ITGAE: variants seen among roughly 807,000 people sequenced by gnomAD.
ITGAE encodes integrin alpha-E.
In ITGAE, 99 loss-of-function variants were observed where a neutral mutation model predicts 136.5. The observed-to-expected ratio is 0.73, with a 90% CI of 0.62 to 0.86. The LOEUF (loss-of-function observed/expected upper bound fraction) is 0.86. ITGAE is among the 40% of genes least tolerant of loss of function. ITGAE has a pLI of 0.00. For synonymous variants in ITGAE, 613 were observed against 591.8 expected (o/e 1.04, Z -0.52); for missense variants, 1,447 against 1,515.3 (o/e 0.95, Z 0.75).
intron 1 of ITGAE, among the ~76,000 whole-genome samples, chr17:3,785,715 A>G (rs1345794119): frequency 6.6e-6 from 1 of 152,104 alleles, no homozygotes; most frequent in Non-Finnish European, 1.5e-5. Context: ...AAACCAACTT[A>G]CAGTAGAGAA....
At chr17:3,728,345 G>T in intron 24 of ITGAE, 177 bp from the exon 25 acceptor site, 1 of 578,842 alleles carries the variant, frequency 1.7e-6, no homozygotes, top group Non-Finnish European at 3.1e-6. Context: ...TGGGATGACA[G>T]GCATGAGCCA....
rs2052530657 is a variant in ITGAE at position 3,776,024 on chromosome 17, C to T, written c.155+1516G>A. On this transcript the variant is annotated intron_variant, in intron 2 of 30. Transcript: ENST00000263087. ...AAAATGTAAAGTAATGTTTATTGAG[C>T]ATTAATGTGGCCAGAAATTGTGCTA... Among the ~76,000 whole-genome samples, 4 of 149,740 alleles carry T rather than the reference C, an allele frequency of 2.7e-5. 1 individual carries two copies. In the South Asian group the frequency reaches 8.4e-4, roughly 32 times the overall value.
At chr17:3,772,613 G>A (rs761481738) in intron 2 of ITGAE, among the ~76,000 whole-genome samples, 5 of 151,972 alleles carry the variant, frequency 3.3e-5, no homozygotes, top group African/African-American at 1.2e-4. Context: ...ACAGGTGCGC[G>A]CCACCACGCC....
At chr17:3,760,430 CTTTT>C (rs1208333239) in intron 6 of ITGAE, 143 bp from the exon 7 acceptor site, 147 of 64,140 alleles carry the variant, frequency 2.3e-3, no homozygotes, top group South Asian at 0.014. Context: ...AAGAGGGAAG[CTTTT>C]TTTTTTTTTT....
intron 1 of ITGAE, among the ~76,000 whole-genome samples, chr17:3,785,277 T>C (rs2052756996): frequency 6.6e-6 from 1 of 152,130 alleles, no homozygotes; most frequent in Admixed American, 6.6e-5. Context: ...AAAACCACCC[T>C]GGCCAACATG....
At chr17:3,729,404 T>G (rs1345026839) in intron 24 of ITGAE, 74 bp downstream of exon 24, 1 of 905,374 alleles carries the variant, frequency 1.1e-6, no homozygotes, top group African/African-American at 1.6e-5. Context: ...ACCAGCTCCA[T>G]CTACGAGAGA....
intron 2 of ITGAE, among the ~76,000 whole-genome samples, chr17:3,765,722 C>A (rs928570699): frequency 1.3e-5 from 2 of 152,240 alleles, no homozygotes; most frequent in African/African-American, 2.4e-5. Flanking sequence ...CCTTCGAACA[C>A]TTTTTTCTAG....
At chr17:3,767,559 C>G (rs1187753984) in intron 2 of ITGAE, among the ~76,000 whole-genome samples, 1 of 152,190 alleles carries the variant, frequency 6.6e-6, no homozygotes, top group Non-Finnish European at 1.5e-5. Context: ...GAAAGCAACT[C>G]TTCTCCAGAT....
At chr17:3,723,942 G>C in intron 26 of ITGAE, 198 bp from the exon 27 acceptor site, 2 of 1,552,808 alleles carry the variant, frequency 1.3e-6, no homozygotes, top group Non-Finnish European at 1.7e-6. Flanking sequence ...GGCCATGGCG[G>C]CTTCGCTCCC....
At chr17:3,773,444 A>G (rs1009830772) in intron 2 of ITGAE, among the ~76,000 whole-genome samples, 8 of 151,878 alleles carry the variant, frequency 5.3e-5, no homozygotes, top group Non-Finnish European at 2.9e-5. Context: ...AGAGCATGCC[A>G]CCACACTCCA....
At chr17:3,762,377 C>T (rs1228527750) in intron 3 of ITGAE, among the ~76,000 whole-genome samples, 2 of 152,132 alleles carry the variant, frequency 1.3e-5, no homozygotes, top group Non-Finnish European at 2.9e-5. Flanking sequence ...TACCGTGGGA[C>T]TGGCTGTGTG....
intron 1 of ITGAE, among the ~76,000 whole-genome samples, chr17:3,780,454 C>T (rs182924039): frequency 1.1e-3 from 172 of 151,914 alleles, no homozygotes; most frequent in African/African-American, 3.8e-3. Flanking sequence ...TGAGCCACCG[C>T]GCCTGGCCTA....
At position 3,787,387 on chromosome 17, in the gene ITGAE, C is replaced by T. The variant is rs2143428425; in HGVS notation, c.35-9727G>A. 2.0e-5 allele frequency among the ~76,000 whole-genome samples: 3 copies of T among 152,232 alleles called. 1 individual carries two copies. In the Middle Eastern group the frequency reaches 0.01, roughly 518 times the overall value. ...TCAGCCTCCCAAAGTGCTGGGATTA[C>T]AGGCATGAGCCACCATGCCCGGCTG... On this transcript the variant is annotated intron_variant, in intron 1 of 30. Coordinates refer to ENST00000263087, the MANE Select transcript of ITGAE (RefSeq NM_002208.5).
intron 7 of ITGAE, among the ~76,000 whole-genome samples, chr17:3,759,831 C>T (rs1432880589): frequency 6.6e-6 from 1 of 152,208 alleles, no homozygotes; most frequent in East Asian, 1.9e-4. Flanking sequence ...GCCAATAAGA[C>T]ATCAGCAAAT....
At position 3,771,434 on chromosome 17, in the gene ITGAE, G is replaced by A. The variant is rs370186861; in HGVS notation, c.155+6106C>T. On this transcript the variant is annotated intron_variant, in intron 2 of 30. Transcript: ENST00000263087. ...AGTGCGGGGCTTAGAGGGGGCCTAGGCGCCGCAGCTCACGTGCCCTTGATC... is the reference window on the plus strand; with the variant it reads ...AGTGCGGGGCTTAGAGGGGGCCTAGACGCCGCAGCTCACGTGCCCTTGATC... Among the ~76,000 whole-genome samples the A allele has an allele frequency of 6.2e-4, 94 of 152,294 alleles. 3 individuals are homozygous for A. In the South Asian group the frequency reaches 0.015, roughly 24 times the overall value.
chr17:3,756,147 T>C (rs2052017839), intron 10 of ITGAE, among the ~76,000 whole-genome samples: 1 of 151,992 alleles, frequency 6.6e-6, no homozygotes, highest in African/African-American at 2.4e-5. Context: ...GCCATCCTTG[T>C]TTCTCCAGCA....
chr17:3,752,251 G>C (rs1167048456), intron 14 of ITGAE, among the ~76,000 whole-genome samples: 2 of 152,224 alleles, frequency 1.3e-5, no homozygotes, highest in East Asian at 3.9e-4. Flanking sequence ...CCATGGGCAG[G>C]GGTGCATTGC....
At chr17:3,775,075 T>A (rs1294799811) in intron 2 of ITGAE, among the ~76,000 whole-genome samples, 1 of 151,952 alleles carries the variant, frequency 6.6e-6, no homozygotes, top group Non-Finnish European at 1.5e-5. Flanking sequence ...AGCCTCCCAA[T>A]AGCTGGGACG....
intron 24 of ITGAE, among the ~76,000 whole-genome samples, chr17:3,728,712 C>T (rs1275665726): frequency 1.3e-5 from 2 of 150,668 alleles, no homozygotes. Context: ...CAACTGAATA[C>T]ATTAGGACAG....
Sources: gnomAD v4.1 joint callset for allele counts (sites outside exome capture counted in the v4.1 genomes callset) on GRCh38, gnomAD v4.1.1 for gene constraint, MANE v1.5 for transcripts, NCBI Gene and HGNC (gene_info 2026-07-23, HGNC 2026-07-21) for gene names.